Variants in TRIM33 observed in about 807,000 individuals in gnomAD.
The protein encoded by TRIM33 is tripartite motif containing 33.
TRIM33 carries 20 observed loss-of-function variants against 125.4 expected under a neutral mutation model. The observed-to-expected ratio is 0.16, with a 90% CI of 0.11 to 0.23. TRIM33 has a LOEUF of 0.23. TRIM33 is among the 10% of genes least tolerant of loss of function. The probability of loss-of-function intolerance (pLI) is 1.00; values close to 1 mark genes in which losing one functional copy is unlikely to be tolerated. For missense variants in TRIM33, 920 were observed against 1,411.4 expected (o/e 0.65, Z 5.58); for synonymous variants, 564 against 513.9 (o/e 1.10, Z -1.32).
intron 1 of TRIM33, among the ~76,000 whole-genome samples, chr1:114,508,545 G>A (rs1465413946): frequency 6.6e-6 from 1 of 152,014 alleles, no homozygotes; most frequent in Non-Finnish European, 1.5e-5. Flanking sequence ...TTACCTACAT[G>A]TACCAATAAT....
At chr1:114,487,897 C>T (rs560574141) in intron 1 of TRIM33, among the ~76,000 whole-genome samples, 1 of 114,076 alleles carries the variant, frequency 8.8e-6, no homozygotes, top group East Asian at 2.2e-4. Context: ...GAGCGAGACT[C>T]CGTCTCAAAA....
intron 11 of TRIM33, among the ~76,000 whole-genome samples, chr1:114,420,881 AAAAG>A (rs1557854203): frequency 1.3e-5 from 2 of 152,236 alleles, no homozygotes; most frequent in Non-Finnish European, 2.9e-5. Flanking sequence ...ATTTATATCC[AAAAG>A]AACTGAAATT....
rs369393002 is a variant in TRIM33, at chr1:114,433,674, G to A, written c.983C>T (p.Ala328Val). The A allele has an allele frequency of 2.2e-5, 36 of 1,612,114 alleles. No individual in the cohort carries two copies. The highest frequency in any genetic ancestry group is 1.6e-4 in the Middle Eastern group (1 of 6,076). The change falls in exon 5 of 20, where the codon GCG becomes GTG. Residue 328 changes from alanine to valine, a missense_variant. Transcript: ENST00000358465. ...ATAATTCTTCTTCTCAAGAAGTTTC[G>A]CCAGTAGATTCTCAATTGCACCCTT... The part of the protein sequence containing the change: ...NQKGAIENLL[A>V]KLLEKKNYVH...
chr1:114,445,856 T>G (rs1231260380), intron 4 of TRIM33, among the ~76,000 whole-genome samples: 3 of 151,936 alleles, frequency 2.0e-5, no homozygotes, highest in Non-Finnish European at 4.4e-5. Flanking sequence ...AAATTGAAGA[T>G]TTTTTTTGTT....
intron 6 of TRIM33, among the ~76,000 whole-genome samples, chr1:114,429,406 T>C (rs1457066647): frequency 2.0e-5 from 3 of 151,852 alleles, no homozygotes; most frequent in Non-Finnish European, 4.4e-5. Context: ...TTGGCCAAGC[T>C]GGTCTCGAAC....
At chr1:114,441,977 A>C (rs1450039989) in intron 4 of TRIM33, among the ~76,000 whole-genome samples, 3 of 152,196 alleles carry the variant, frequency 2.0e-5, no homozygotes, top group Non-Finnish European at 4.4e-5. Flanking sequence ...TTTCAGCAAT[A>C]CCCAAATGAA....
In TRIM33 at chr1:114,427,779, C is replaced by G. The variant is rs1557859292; in HGVS notation, c.1271G>C (p.Ser424Thr). The G allele has an allele frequency of 1.2e-6, 2 of 1,614,118 alleles. No homozygotes were observed. Among genetic ancestry groups the G allele is most frequent in the Non-Finnish European group, 8.5e-7 (1 of 1,180,002 alleles). ...NFTNWAIASG[S>T]STALLYSKRL... ...CTTGCTGTATAGTAGTGCTGTGCTG[C>G]TGCCACTTGCAATTGCCCAATTTGT... is the stretch of plus-strand genomic sequence containing the variant. The change falls in exon 7 of 20, where the codon AGC (serine) becomes ACC (threonine). Residue 424 changes from serine to threonine, a missense_variant. Ser to Thr is a moderately conservative substitution (Grantham distance 58). Around this residue, in one of 8 missense-constraint regions of TRIM33, gnomAD observed 407 missense variants for 589.7 expected, o/e 0.69. Coordinates refer to ENST00000358465, the MANE Select transcript of TRIM33 (RefSeq NM_015906.4).
chr1:114,437,248 G>C (rs1648364267), intron 4 of TRIM33, among the ~76,000 whole-genome samples: 1 of 152,146 alleles, frequency 6.6e-6, no homozygotes, highest in Non-Finnish European at 1.5e-5. Flanking sequence ...TGTGGGGAAA[G>C]AATAACCAAC....
At chr1:114,506,200 G>A (rs1442212634) in intron 1 of TRIM33, among the ~76,000 whole-genome samples, 2 of 151,850 alleles carry the variant, frequency 1.3e-5, no homozygotes, top group African/African-American at 4.8e-5. Flanking sequence ...TAGCCTACAT[G>A]ACAAGACCCT....
chr1:114,474,543 T>C (rs1417548091), intron 1 of TRIM33, among the ~76,000 whole-genome samples: 1 of 134,412 alleles, frequency 7.4e-6, no homozygotes, highest in Non-Finnish European at 1.5e-5. Context: ...CACTCTACCG[T>C]AGCCTGGGTG....
intron 4 of TRIM33, among the ~76,000 whole-genome samples, chr1:114,449,350 C>G (rs1649178573): frequency 6.6e-6 from 1 of 152,040 alleles, no homozygotes; most frequent in East Asian, 1.9e-4. Context: ...GCCAACAATT[C>G]CAAAGGACAA....
At chr1:114,406,052 T>G (rs534262912) in intron 14 of TRIM33, among the ~76,000 whole-genome samples, 1 of 152,210 alleles carries the variant, frequency 6.6e-6, no homozygotes, top group African/African-American at 2.4e-5. Context: ...TACTTTTCCT[T>G]GAGAGAGCTA....
chr1:114,496,821 C>T (rs1227046121), intron 1 of TRIM33, among the ~76,000 whole-genome samples: 1 of 152,138 alleles, frequency 6.6e-6, no homozygotes, highest in Non-Finnish European at 1.5e-5. Flanking sequence ...TTAAGAAATT[C>T]TGCTGTGATC....
intron 16 of TRIM33, among the ~76,000 whole-genome samples, chr1:114,402,482 T>C (rs1651959130): frequency 6.6e-6 from 1 of 152,164 alleles, no homozygotes; most frequent in African/African-American, 2.4e-5. Context: ...ATACAGTTTT[T>C]TATGTCGTTA....
chr1:114,464,298 G>A lies in TRIM33; in HGVS notation c.617C>T (p.Pro206Leu). The A allele has an allele frequency of 1.2e-6, 2 of 1,606,350 alleles. No homozygotes were observed. Among genetic ancestry groups the A allele is most frequent in the Admixed American group, 1.7e-5 (1 of 58,530 alleles). Reference sequence around the variant, plus strand: ...TTCTGATTTTTCATCAGAACTGCTAGGAGCTTCAGATGTGTCTTTCACAAA... The same window carrying A: ...TTCTGATTTTTCATCAGAACTGCTAAGAGCTTCAGATGTGTCTTTCACAAA... ...NYFVKDTSEA[P>L]SSSDEKSEQV... Residue 206 changes from proline to leucine, a missense_variant, in exon 2 of 20, where the codon CCT becomes CTT. By Grantham distance (98) the Pro-to-Leu change is moderately conservative. Around this residue, in one of 8 missense-constraint regions of TRIM33, gnomAD observed 75 missense variants for 123.9 expected, o/e 0.61. Coordinates refer to ENST00000358465, the MANE Select transcript of TRIM33 (RefSeq NM_015906.4).
chr1:114,482,414 G>A (rs1651414779), intron 1 of TRIM33, among the ~76,000 whole-genome samples: 1 of 152,180 alleles, frequency 6.6e-6, no homozygotes, highest in Admixed American at 6.5e-5. Flanking sequence ...GAAACTCAAA[G>A]CTGGTTCTTT....
intron 1 of TRIM33, among the ~76,000 whole-genome samples, chr1:114,509,455 A>G (rs947115845): frequency 6.6e-5 from 10 of 152,240 alleles, no homozygotes; most frequent in Admixed American, 1.3e-4. Context: ...AAAGTCTCAC[A>G]TAACAGACCT....
chr1:114,494,086 G>C (rs977187853), intron 1 of TRIM33, among the ~76,000 whole-genome samples: 1 of 151,850 alleles, frequency 6.6e-6, no homozygotes, highest in Non-Finnish European at 1.5e-5. Flanking sequence ...GCCTCCCAAA[G>C]TGTTGGGATT....
chr1:114,506,993 T>A (rs76869242), intron 1 of TRIM33, among the ~76,000 whole-genome samples: 3,922 of 152,346 alleles, frequency 0.026, 86 homozygotes, highest in Non-Finnish European at 0.034. Context: ...TCTCTAGTGA[T>A]TCTTATTTAC....
Sources: allele counts gnomAD v4.1 joint callset (sites outside exome capture counted in the v4.1 genomes callset), GRCh38; gene constraint gnomAD v4.1.1; regional missense constraint gnomAD v4.1.1; transcripts MANE v1.5; gene names NCBI Gene and HGNC (gene_info 2026-07-23, HGNC 2026-07-21).